Variants in RANBP2 observed in about 807,000 individuals in gnomAD.
RANBP2 encodes RAN binding protein 2.
RANBP2 carries 57 observed loss-of-function variants against 303.6 expected under a neutral mutation model. The ratio of observed to expected loss-of-function variants is 0.19; its 90% CI spans 0.15 to 0.23. RANBP2 has a LOEUF of 0.23. Among genes scored for constraint, RANBP2 ranks in the 10% least tolerant of loss-of-function variants. The probability of loss-of-function intolerance (pLI) is 1.00; values close to 1 mark genes in which losing one functional copy is unlikely to be tolerated. For synonymous variants in RANBP2, 1,167 were observed against 1,301.5 expected, an observed-to-expected ratio of 0.90 and a Z score of 2.23; for missense variants, 3,138 against 3,780.8, an observed-to-expected ratio of 0.83 and a Z score of 4.46.
the RANBP2 span, among the ~76,000 whole-genome samples, chr2:109,056,392 G>T: frequency 6.6e-6 from 1 of 151,386 alleles, no homozygotes; most frequent in Non-Finnish European, 1.5e-5. Context: ...TAGATTCGAA[G>T]TTCTGGCATT....
chr2:109,623,924 A>G, the RANBP2 span, among the ~76,000 whole-genome samples: 1 of 152,214 alleles, frequency 6.6e-6, no homozygotes, highest in Admixed American at 6.5e-5. Context: ...GAGGTGCTCA[A>G]GAGAGTTTTT....
At chr2:109,027,262 A>C in the RANBP2 span, among the ~76,000 whole-genome samples, 109 of 149,968 alleles carry the variant, frequency 7.3e-4, no homozygotes, top group Non-Finnish European at 1.0e-3. Context: ...AAAAAAAAAA[A>C]AACAAGGACC....
the RANBP2 span, among the ~76,000 whole-genome samples, chr2:108,998,004 A>G: frequency 6.6e-6 from 1 of 152,148 alleles, no homozygotes; most frequent in Non-Finnish European, 1.5e-5. Flanking sequence ...TCTCTGAATG[A>G]TGGTGATTGT....
the RANBP2 span, among the ~76,000 whole-genome samples, chr2:108,925,248 CTGAA>C: frequency 6.6e-6 from 1 of 152,206 alleles, no homozygotes; most frequent in African/African-American, 2.4e-5. Flanking sequence ...TAAACATTGG[CTGAA>C]TGAATGAATG....
Position 108,731,140 on chromosome 2 carries a change from C to G in RANBP2, c.253-182C>G, listed in dbSNP as rs867542961. Reference sequence around the variant, plus strand: ...ACACAAATATAATTTTTATTTGATTCATTTCCAGAGAATTCCAAGACACTT... The same window carrying G: ...ACACAAATATAATTTTTATTTGATTGATTTCCAGAGAATTCCAAGACACTT... On this transcript the variant is annotated intron_variant, in intron 3 of 28. Coordinates refer to ENST00000283195, the MANE Select transcript of RANBP2 (RefSeq NM_006267.5). 1.3e-5 allele frequency among the ~76,000 whole-genome samples: 2 copies of G among 152,172 alleles called. 1 individual carries two copies.
chr2:109,410,886 T>C, the RANBP2 span, among the ~76,000 whole-genome samples: 1 of 152,184 alleles, frequency 6.6e-6, no homozygotes, highest in Non-Finnish European at 1.5e-5. Flanking sequence ...AGGATGAACA[T>C]CTGTCTGAGG....
chr2:109,214,717 C>T, the RANBP2 span, among the ~76,000 whole-genome samples: 1 of 152,200 alleles, frequency 6.6e-6, no homozygotes, highest in African/African-American at 2.4e-5. Context: ...ATGGGCTCCA[C>T]TCCAGCTGCA....
chr2:109,728,959 G>A, the RANBP2 span, among the ~76,000 whole-genome samples: 1 of 152,130 alleles, frequency 6.6e-6, no homozygotes, highest in African/African-American at 2.4e-5. Flanking sequence ...GCACACCACT[G>A]TATGTGTAGT....
chr2:109,008,896 C>T, the RANBP2 span, among the ~76,000 whole-genome samples: 7 of 129,232 alleles, frequency 5.4e-5, no homozygotes, highest in Admixed American at 1.6e-4. Context: ...AAGATTCCAT[C>T]TCAAAAAAAA....
At chr2:108,751,229 C>T (rs1275139219) in intron 9 of RANBP2, 35 bp from the exon 10 acceptor site, 7 of 1,611,784 alleles carry the variant, frequency 4.3e-6, no homozygotes, top group African/African-American at 4.0e-5. Context: ...GGAAAAATTT[C>T]AAACCCTTAA....
At chr2:109,278,372 G>A in the RANBP2 span, among the ~76,000 whole-genome samples, 1 of 152,180 alleles carries the variant, frequency 6.6e-6, no homozygotes, top group Non-Finnish European at 1.5e-5. Flanking sequence ...GGGCTTGCCA[G>A]TCTGCAGTGG....
At chr2:109,409,474 A>G in the RANBP2 span, among the ~76,000 whole-genome samples, 1 of 152,154 alleles carries the variant, frequency 6.6e-6, no homozygotes, top group African/African-American at 2.4e-5. Flanking sequence ...GCCAGATCCA[A>G]CCTGTGGGTG....
At chr2:109,313,933 G>A in the RANBP2 span, among the ~76,000 whole-genome samples, 20 of 152,176 alleles carry the variant, frequency 1.3e-4, no homozygotes, top group Non-Finnish European at 2.1e-4. Context: ...GCAGGGTGCC[G>A]TGTTTGGACT....
chr2:109,385,054 G>A, the RANBP2 span, among the ~76,000 whole-genome samples: 2 of 152,152 alleles, frequency 1.3e-5, no homozygotes, highest in African/African-American at 4.8e-5. Context: ...TCGTTGTCCC[G>A]GCATGCTGGC....
chr2:108,794,778 C>T, the RANBP2 span: 3 of 1,322,938 alleles, frequency 2.3e-6, no homozygotes, highest in Non-Finnish European at 3.1e-6. Flanking sequence ...AAGAACCAAG[C>T]ATTTACGAAA....
chr2:109,212,052 A>T, the RANBP2 span, among the ~76,000 whole-genome samples: 1 of 152,224 alleles, frequency 6.6e-6, no homozygotes, highest in African/African-American at 2.4e-5. Context: ...GGCTTTGCGG[A>T]ATTCCAGGGA....
chr2:108,756,608 A>G (rs2149247215), intron 17 of RANBP2, among the ~76,000 whole-genome samples: 1 of 152,326 alleles, frequency 6.6e-6, no homozygotes, highest in South Asian at 2.1e-4. Flanking sequence ...TGACAATTAC[A>G]TACAATTTTG....
the RANBP2 span, among the ~76,000 whole-genome samples, chr2:109,478,815 G>T: frequency 6.6e-6 from 1 of 152,146 alleles, no homozygotes; most frequent in Non-Finnish European, 1.5e-5. Flanking sequence ...AATGAAACCC[G>T]CTCCAGTTAC....
At chr2:109,372,366 G>A in the RANBP2 span, among the ~76,000 whole-genome samples, 3 of 152,194 alleles carry the variant, frequency 2.0e-5, no homozygotes, top group Non-Finnish European at 4.4e-5. Context: ...TGCCTATGGC[G>A]TGTGTGTCTG....
Sources: allele counts gnomAD v4.1 joint callset (sites outside exome capture counted in the v4.1 genomes callset), GRCh38; gene constraint gnomAD v4.1.1; transcripts MANE v1.5; gene names NCBI Gene and HGNC (gene_info 2026-07-23, HGNC 2026-07-21).